Variants in SLC8A1 observed in about 807,000 individuals in gnomAD.
The protein encoded by SLC8A1 is solute carrier family 8 member A1.
A neutral mutation model predicts 68.3 loss-of-function variants in SLC8A1; 18 were observed. The ratio of observed to expected loss-of-function variants is 0.26; its 90% CI spans 0.18 to 0.39. The LOEUF (loss-of-function observed/expected upper bound fraction) is 0.39. SLC8A1 is among the 10% of genes least tolerant of loss of function. The pLI, the probability that SLC8A1 is intolerant of heterozygous loss-of-function variation, is 1.00. For synonymous variants in SLC8A1, 475 were observed against 415.5 expected, an observed-to-expected ratio of 1.14 and a Z score of -1.74; for missense variants, 985 against 1,156.7, an observed-to-expected ratio of 0.85 and a Z score of 2.15.
intron 2 of SLC8A1, among the ~76,000 whole-genome samples, chr2:40,380,484 AT>A (rs150567976): frequency 3.1e-4 from 47 of 151,400 alleles, no homozygotes; most frequent in Middle Eastern, 6.8e-3. Flanking sequence ...GTTTTATCTC[AT>A]TTTTTTTTAA....
chr2:40,175,915 A>G (rs2048385398), intron 3 of SLC8A1: 1 of 405,082 alleles, frequency 2.5e-6, no homozygotes. Context: ...AAAGCTTAAT[A>G]GTCCCAGGAA....
chr2:40,287,444 G>C (rs2068500354), intron 2 of SLC8A1, among the ~76,000 whole-genome samples: 2 of 152,056 alleles, frequency 1.3e-5, no homozygotes, highest in Non-Finnish European at 2.9e-5. Context: ...CTGAATCATA[G>C]ACTTCAGCAT....
intron 4 of SLC8A1, among the ~76,000 whole-genome samples, 186 bp downstream of exon 7, chr2:40,170,095 T>C (rs1558605606): frequency 6.6e-6 from 1 of 152,222 alleles, no homozygotes; most frequent in Non-Finnish European, 1.5e-5. Flanking sequence ...TACTCAGTGC[T>C]CCTTTTCTGC....
intron 2 of SLC8A1, among the ~76,000 whole-genome samples, chr2:40,326,630 G>T (rs931864529): frequency 6.6e-6 from 1 of 152,124 alleles, no homozygotes; most frequent in East Asian, 1.9e-4. Flanking sequence ...TAAAGGAAAA[G>T]GTGGTCCCCT....
intron 2 of SLC8A1, among the ~76,000 whole-genome samples, chr2:40,304,660 C>T (rs147302802): frequency 4.7e-4 from 71 of 152,278 alleles, no homozygotes; most frequent in African/African-American, 1.6e-3. Flanking sequence ...CGTCGTGCCC[C>T]TTTTCTTGAC....
At chr2:40,498,908 G>A (rs1455891357) in intron 1 of SLC8A1, among the ~76,000 whole-genome samples, 1 of 151,956 alleles carries the variant, frequency 6.6e-6, no homozygotes, top group East Asian at 1.9e-4. Context: ...CTATTTCTTG[G>A]CTGAGTTGGG....
chr2:40,258,705 G>A (rs1409585541), intron 2 of SLC8A1, among the ~76,000 whole-genome samples: 2 of 151,996 alleles, frequency 1.3e-5, no homozygotes, highest in African/African-American at 4.8e-5. Flanking sequence ...AGCCAGGTGT[G>A]GCGGCAGGCA....
intron 4 of SLC8A1, among the ~76,000 whole-genome samples, chr2:40,167,492 TTGGTATG>T (rs2046746218): frequency 6.6e-6 from 1 of 152,208 alleles, no homozygotes; most frequent in South Asian, 2.1e-4. Context: ...AATAGTATAG[TTGGTATG>T]CAACCAAAGC....
intron 2 of SLC8A1, among the ~76,000 whole-genome samples, chr2:40,303,666 G>A (rs1393926317): frequency 6.6e-6 from 1 of 152,106 alleles, no homozygotes; most frequent in Non-Finnish European, 1.5e-5. Flanking sequence ...AAAGTTTTAG[G>A]TACAATCCAG....
In SLC8A1 at chr2:40,331,512, C is replaced by T. The variant is rs114920403; in HGVS notation, c.1808+96961G>A. Among the ~76,000 whole-genome samples the T allele has an allele frequency of 7.2e-3, 1,095 of 152,258 alleles. 3 individuals are homozygous for T. The highest frequency in any genetic ancestry group is 8.6e-3 in the Non-Finnish European group (583 of 68,008). On this transcript the variant is annotated intron_variant, in intron 2 of 7. Coordinates refer to ENST00000406785, the Ensembl canonical transcript of SLC8A1. ...ATTAGCAAAATTTTATGTGAGTTAA[C>T]TGCATAAAATAGGATGAGTTTTGTA...
chr2:40,211,378 A>G (rs1357537004), intron 2 of SLC8A1, among the ~76,000 whole-genome samples: 2 of 152,222 alleles, frequency 1.3e-5, no homozygotes, highest in Admixed American at 1.3e-4. Context: ...GGCTTTTCCA[A>G]TAGACAGCTA....
At chr2:40,231,339 T>C (rs576832297) in intron 2 of SLC8A1, among the ~76,000 whole-genome samples, 1 of 152,290 alleles carries the variant, frequency 6.6e-6, no homozygotes, top group Non-Finnish European at 1.5e-5. Flanking sequence ...CTTATGGCAT[T>C]CACATCTAAT....
At chr2:40,406,128 A>G (rs1379446184) in intron 2 of SLC8A1, among the ~76,000 whole-genome samples, 1 of 152,204 alleles carries the variant, frequency 6.6e-6, no homozygotes, top group African/African-American at 2.4e-5. Context: ...TATAAAATAT[A>G]CACACATTCA....
At chr2:40,281,673 A>G (rs1435335903) in intron 2 of SLC8A1, among the ~76,000 whole-genome samples, 2 of 152,236 alleles carry the variant, frequency 1.3e-5, no homozygotes, top group Non-Finnish European at 2.9e-5. Context: ...AAAGCTGTTA[A>G]GTCTGTGGAG....
chr2:40,234,472 T>A (rs1175261706), intron 2 of SLC8A1, among the ~76,000 whole-genome samples: 2 of 152,194 alleles, frequency 1.3e-5, no homozygotes, highest in African/African-American at 4.8e-5. Context: ...TTTGCTGAAG[T>A]TGCTTATCAG....
intron 2 of SLC8A1, among the ~76,000 whole-genome samples, chr2:40,257,199 C>T (rs1245288588): frequency 1.3e-5 from 2 of 151,974 alleles, no homozygotes; most frequent in African/African-American, 2.4e-5. Flanking sequence ...CAGATCTTAG[C>T]TCATTGGAAA....
intron 2 of SLC8A1, among the ~76,000 whole-genome samples, chr2:40,360,410 A>G (rs1182614788): frequency 6.6e-6 from 1 of 152,184 alleles, no homozygotes; most frequent in Non-Finnish European, 1.5e-5. Context: ...ATATATTTAT[A>G]TGTGGTTAGG....
intron 7 of SLC8A1, among the ~76,000 whole-genome samples, chr2:40,136,414 G>A (rs897366777): frequency 1.3e-5 from 2 of 152,182 alleles, no homozygotes; most frequent in African/African-American, 2.4e-5. Context: ...CACTTTTGAT[G>A]AGATATATAG....
chr2:40,417,905 C>G (rs1158015505), intron 2 of SLC8A1, among the ~76,000 whole-genome samples: 1 of 106,384 alleles, frequency 9.4e-6, no homozygotes, highest in East Asian at 2.8e-4. Context: ...AAGGTAAACG[C>G]ACAGAGTCAT....
Sources: gnomAD v4.1 joint callset for allele counts (sites outside exome capture counted in the v4.1 genomes callset) on GRCh38, gnomAD v4.1.1 for gene constraint, MANE v1.5 for transcripts, NCBI Gene and HGNC (gene_info 2026-07-23, HGNC 2026-07-21) for gene names.